Variants in ARF3 observed in about 807,000 individuals in gnomAD.
ARF3 encodes ADP-ribosylation factor 3.
In ARF3, 5 loss-of-function variants were observed where a neutral mutation model predicts 19.3. That is an observed-to-expected ratio of 0.26 (90% CI 0.14 to 0.54). ARF3 has a LOEUF of 0.54. Ranked by LOEUF, ARF3 falls within the 20% of genes least tolerant of loss-of-function variation. ARF3 has a pLI of 0.95. For synonymous variants in ARF3, 71 were observed against 89.2 expected (o/e 0.80, Z 1.15); for missense variants, 77 against 234.2 (o/e 0.33, Z 4.38).
At chr12:48,956,974 C>G (rs983482389) in intron 1 of ARF3, 1 of 152,638 alleles carries the variant, frequency 6.6e-6, no homozygotes, top group African/African-American at 2.4e-5. Context: ...CCATCACCGC[C>G]CCCTCATCAC....
chr12:48,953,793 G>A (rs2137597318), intron 1 of ARF3, among the ~76,000 whole-genome samples: 1 of 152,254 alleles, frequency 6.6e-6, no homozygotes, highest in African/African-American at 2.4e-5. Flanking sequence ...AAACATCTGT[G>A]GGACCCTTTC....
At chr12:48,955,154 G>A (rs560900096) in intron 1 of ARF3, among the ~76,000 whole-genome samples, 1 of 152,194 alleles carries the variant, frequency 6.6e-6, no homozygotes, top group South Asian at 2.1e-4. Flanking sequence ...TAGTGTAAAA[G>A]AGTAGGGTGA....
At chr12:48,947,852 G>A (rs1259618993) in intron 1 of ARF3, among the ~76,000 whole-genome samples, 1 of 152,108 alleles carries the variant, frequency 6.6e-6, no homozygotes, top group South Asian at 2.1e-4. Flanking sequence ...GCTCCTAAAG[G>A]AAGACGAGGA....
At chr12:48,949,154 G>A (rs1940417269) in intron 1 of ARF3, among the ~76,000 whole-genome samples, 1 of 152,236 alleles carries the variant, frequency 6.6e-6, no homozygotes, top group Non-Finnish European at 1.5e-5. Flanking sequence ...CTGGCCTAGG[G>A]CTGGGTGGCA....
Position 48,938,865 on chromosome 12 carries a change from G to A in ARF3, c.*82C>T. The A allele has an allele frequency of 6.5e-7, 1 of 1,537,784 alleles. No homozygotes were observed. Among genetic ancestry groups the A allele is most frequent in the Non-Finnish European group, 8.8e-7 (1 of 1,135,268 alleles). On this transcript the variant is annotated 3_prime_UTR_variant, in exon 5 of 5. Coordinates refer to ENST00000256682, the MANE Select transcript of ARF3 (RefSeq NM_001659.3). ...CCAGGGCCCTGGCCACACTTGCATG[G>A]AGAGGAAGGGGTAGGACTGGGGCAG...
intron 1 of ARF3, among the ~76,000 whole-genome samples, chr12:48,947,261 G>A (rs1253270824): frequency 6.6e-6 from 1 of 150,582 alleles, no homozygotes; most frequent in East Asian, 2.0e-4. Flanking sequence ...ATTTCCCAAA[G>A]TTAAGAAATA....
intron 1 of ARF3, among the ~76,000 whole-genome samples, chr12:48,949,392 A>AT (rs2137590539): frequency 6.6e-6 from 1 of 152,080 alleles, no homozygotes; most frequent in South Asian, 2.1e-4. Context: ...CACCCAGCTA[A>AT]TTTTTTGTAT....
intron 1 of ARF3, among the ~76,000 whole-genome samples, chr12:48,947,096 T>C (rs1014327506): frequency 4.6e-5 from 7 of 152,150 alleles, no homozygotes; most frequent in Admixed American, 4.6e-4. Context: ...ACCAATACAA[T>C]TTAAAGAAAC....
rs758330229 is a variant in ARF3 at position 48,938,919 on chromosome 12, G to A, written c.*28C>T. 2.5e-6 allele frequency: 4 copies of A among 1,606,160 alleles called. No homozygotes were observed. The highest frequency in any genetic ancestry group is 2.7e-5 in the African/African-American group (2 of 74,760). ...GACAGTAGGTATGTCAGGGGTGGGT[G>A]GGGTGCTTTGTTAGGGCTGTCTGGC... On this transcript the variant is annotated 3_prime_UTR_variant, in exon 5 of 5. Transcript: ENST00000256682.
intron 1 of ARF3, among the ~76,000 whole-genome samples, chr12:48,942,395 T>A (rs533783123): frequency 2.0e-5 from 3 of 152,180 alleles, no homozygotes; most frequent in South Asian, 2.1e-4. Flanking sequence ...GCTTTCATAT[T>A]TGCTATCACC....
In ARF3 at chr12:48,938,633, A is replaced by G; in HGVS notation, c.*314T>C. ...GGACAGCAACCACTGCCAAACAAAG[A>G]GAATACCCCACTCGACCTCCCGAAA... On this transcript the variant is annotated 3_prime_UTR_variant, in exon 5 of 5. Coordinates refer to ENST00000256682, the MANE Select transcript of ARF3 (RefSeq NM_001659.3). 2.3e-6 allele frequency: 1 copy of G among 441,956 alleles called. No homozygotes were observed. The highest frequency in any genetic ancestry group is 1.7e-5 in the South Asian group (1 of 59,758). 27.4% of individuals were successfully genotyped at this position (441,956 alleles called of 1,614,324 possible).
rs1360040098 is a variant in ARF3, at chr12:48,939,087, C to T, written c.406G>A (p.Ala136Thr). 9 of 1,614,052 alleles carry T rather than the reference C, an allele frequency of 5.6e-6. No individual in the cohort carries two copies. Among genetic ancestry groups the T allele is most frequent in the Non-Finnish European group, 7.6e-6 (9 of 1,179,994 alleles). The part of the protein sequence containing the change: ...NKQDLPNAMN[A>T]AEITDKLGLH... ...CCCAGCTTGTCTGTGATCTCAGCAG[C>T]GTTCATAGCATTAGGCAGATCCTGG... Residue 136 changes from alanine to threonine, a missense_variant, in exon 5 of 5, where the codon GCT (alanine) becomes ACT (threonine). Physicochemically the swap from Ala to Thr is moderately conservative, Grantham distance 58 (BLOSUM62 0). Around this residue, in one of 3 missense-constraint regions of ARF3, gnomAD observed 53 missense variants for 121.2 expected, o/e 0.44. Transcript: ENST00000256682. The surrounding 1 kb of genome is among the most constrained non-coding windows in gnomAD (Gnocchi z 4.8).
At chr12:48,946,723 T>TC (rs1565708828) in intron 1 of ARF3, among the ~76,000 whole-genome samples, 1 of 152,066 alleles carries the variant, frequency 6.6e-6, no homozygotes, top group African/African-American at 2.4e-5. Flanking sequence ...TCCCACCTCA[T>TC]CCCCCCAGGA....
intron 1 of ARF3, among the ~76,000 whole-genome samples, chr12:48,948,471 G>T (rs1338503211): frequency 6.6e-6 from 1 of 151,948 alleles, no homozygotes; most frequent in African/African-American, 2.4e-5. Context: ...GACCAGGTTG[G>T]TCTCGAACTT....
Position 48,939,991 on chromosome 12 carries a change from G to A in ARF3, c.259+6C>T. 1 of 1,613,452 alleles carries A rather than the reference G, an allele frequency of 6.2e-7. No homozygotes were observed. The highest frequency in any genetic ancestry group is 8.5e-7 in the Non-Finnish European group (1 of 1,179,390). On this transcript the variant is annotated splice_donor_region_variant and intron_variant, in intron 3 of 4. Coordinates refer to ENST00000256682, the MANE Select transcript of ARF3 (RefSeq NM_001659.3). The surrounding 1 kb of genome is among the most constrained non-coding windows in gnomAD (Gnocchi z 4.8). ...CCCAACCAACCCACGCTAGGCCTGA[G>A]CATACCTTGGGTGTTCTGGAAGTAG...
intron 1 of ARF3, among the ~76,000 whole-genome samples, chr12:48,945,420 A>C (rs1013725305): frequency 1.2e-4 from 19 of 152,142 alleles, no homozygotes; most frequent in Admixed American, 2.0e-4. Context: ...TCTGCTAAAA[A>C]TACAAAAAAA....
chr12:48,956,599 C>T (rs2137601686), intron 1 of ARF3: 1 of 152,414 alleles, frequency 6.6e-6, no homozygotes, highest in African/African-American at 2.4e-5. Context: ...CTCCCTCCTC[C>T]TGTGAGACCG....
chr12:48,956,468 C>T (rs1303817296), intron 1 of ARF3: 2 of 152,190 alleles, frequency 1.3e-5, no homozygotes, highest in Non-Finnish European at 2.9e-5. Flanking sequence ...CCCCAACTCC[C>T]GCCCCTTCCC....
At chr12:48,955,446 T>TG (rs369117717) in intron 1 of ARF3, among the ~76,000 whole-genome samples, 150 of 152,356 alleles carry the variant, frequency 9.8e-4, no homozygotes, top group African/African-American at 3.3e-3. Flanking sequence ...ATAATGACTC[T>TG]GTGTTCTAGT....
Sources: allele counts gnomAD v4.1 joint callset (sites outside exome capture counted in the v4.1 genomes callset), GRCh38; gene constraint gnomAD v4.1.1; regional missense constraint gnomAD v4.1.1; non-coding constraint Gnocchi (gnomAD v3.1); transcripts MANE v1.5; gene names NCBI Gene and HGNC (gene_info 2026-07-23, HGNC 2026-07-21).